The following RBPJ variants were observed in gnomAD, a reference collection of about 807,000 sequenced individuals.
The protein encoded by RBPJ is recombining binding protein suppressor of hairless.
A neutral mutation model predicts 67.8 loss-of-function variants in RBPJ; 9 were observed. The ratio of observed to expected loss-of-function variants is 0.13; its 90% CI spans 0.08 to 0.23. The LOEUF (loss-of-function observed/expected upper bound fraction) is 0.23, where lower values mean the gene tolerates loss of function less well. RBPJ is among the 10% of genes least tolerant of loss of function. RBPJ has a pLI of 1.00. For missense variants in RBPJ, 305 were observed against 595.6 expected (o/e 0.51, Z 5.08); for synonymous variants, 198 against 203.3 (o/e 0.97, Z 0.22).
At chr4:26,120,651 T>C in the RBPJ span, among the ~76,000 whole-genome samples, 1 of 151,896 alleles carries the variant, frequency 6.6e-6, no homozygotes, top group South Asian at 2.1e-4. Flanking sequence ...GCTCATCTCA[T>C]GTTTCCTAAT....
intron 2 of RBPJ, among the ~76,000 whole-genome samples, chr4:26,403,124 C>G (rs1046025804): frequency 6.6e-6 from 1 of 152,066 alleles, no homozygotes; most frequent in African/African-American, 2.4e-5. Flanking sequence ...TGAGATCTCT[C>G]ATTGCCTTTC....
At chr4:26,229,594 A>C (rs899553676) in intron 1 of RBPJ, among the ~76,000 whole-genome samples, 1 of 152,304 alleles carries the variant, frequency 6.6e-6, no homozygotes, top group Middle Eastern at 3.4e-3. Flanking sequence ...AGAATAAAGT[A>C]ATAGTGAAGT....
intron 1 of RBPJ, among the ~76,000 whole-genome samples, chr4:26,291,558 CA>C (rs1207450475): frequency 6.7e-6 from 1 of 149,352 alleles, no homozygotes; most frequent in Non-Finnish European, 1.5e-5. Flanking sequence ...AAATGAGTGA[CA>C]AGACAAGCAG....
At chr4:26,133,805 G>A in the RBPJ span, among the ~76,000 whole-genome samples, 125 of 151,482 alleles carry the variant, frequency 8.3e-4, no homozygotes, top group African/African-American at 2.4e-3. Context: ...GTGGAGGACC[G>A]CTGATCTAGT....
intron 1 of RBPJ, among the ~76,000 whole-genome samples, chr4:26,376,795 C>T (rs1170155157): frequency 2.0e-5 from 3 of 152,124 alleles, no homozygotes; most frequent in African/African-American, 7.2e-5. Flanking sequence ...ACCCTTGTTA[C>T]TTTATTGTTA....
intron 1 of RBPJ, among the ~76,000 whole-genome samples, chr4:26,378,177 T>G (rs1272089023): frequency 2.0e-5 from 3 of 152,234 alleles, no homozygotes; most frequent in South Asian, 2.1e-4. Context: ...GTTCCTTATG[T>G]TTAGATTCTG....
At chr4:26,196,743 G>A (rs1717780470) in intron 1 of RBPJ, among the ~76,000 whole-genome samples, 1 of 152,134 alleles carries the variant, frequency 6.6e-6, no homozygotes, top group Non-Finnish European at 1.5e-5. Context: ...AGATAAAACA[G>A]ATGTCGGCAT....
At chr4:26,214,807 AAGAGAGAG>A (rs142705291) in intron 1 of RBPJ, among the ~76,000 whole-genome samples, 3 of 107,956 alleles carry the variant, frequency 2.8e-5, no homozygotes, top group Non-Finnish European at 5.3e-5. Context: ...AGGAAGGGAA[AAGAGAGAG>A]AGAGAAAAGA....
chr4:26,324,974 C>A (rs1050384941), intron 1 of RBPJ, among the ~76,000 whole-genome samples: 1 of 152,130 alleles, frequency 6.6e-6, no homozygotes, highest in Non-Finnish European at 1.5e-5. Context: ...ATTCTAATAA[C>A]CATGACTATA....
chr4:26,170,480 G>GGCT (rs1716533249), intron 1 of RBPJ, among the ~76,000 whole-genome samples: 1 of 151,890 alleles, frequency 6.6e-6, no homozygotes, highest in East Asian at 1.9e-4. Flanking sequence ...GGCCGGCCAA[G>GGCT]GCTGCAGTGA....
At chr4:26,228,154 C>G (rs887779916) in intron 1 of RBPJ, among the ~76,000 whole-genome samples, 2 of 152,208 alleles carry the variant, frequency 1.3e-5, no homozygotes, top group African/African-American at 4.8e-5. Flanking sequence ...CTCATGAAAG[C>G]GAATCTGCCA....
chr4:26,219,938 A>G lies in RBPJ; in HGVS notation c.-167+56324A>G, dbSNP rs552095203. ...CCACAGGCACCCACCACCACGCCCAACTAATTTTTTTTTTTTTTGTATTTT... is the reference window on the plus strand; with the variant it reads ...CCACAGGCACCCACCACCACGCCCAGCTAATTTTTTTTTTTTTTGTATTTT... On this transcript the variant is annotated intron_variant, in intron 1 of 4. Transcript: ENST00000512351. 4.0e-3 allele frequency among the ~76,000 whole-genome samples: 408 copies of G among 102,290 alleles called. 2 individuals carry two copies. The highest frequency in any genetic ancestry group is 0.013 in the African/African-American group (376 of 27,888). The allele number at this position is 102,290 out of a possible 152,430, so 67.1% of individuals were successfully genotyped here.
intron 1 of RBPJ, among the ~76,000 whole-genome samples, chr4:26,178,877 C>T (rs968968379): frequency 1.3e-5 from 2 of 152,098 alleles, no homozygotes; most frequent in Non-Finnish European, 2.9e-5. Flanking sequence ...TCCACTTGGA[C>T]AGGGCTGGCT....
chr4:26,255,322 T>G (rs1181975415), intron 1 of RBPJ, among the ~76,000 whole-genome samples: 1 of 108,690 alleles, frequency 9.2e-6, no homozygotes, highest in African/African-American at 4.5e-5. Context: ...GAGAATGGCG[T>G]GAACCCAGGA....
the RBPJ span, among the ~76,000 whole-genome samples, chr4:26,111,493 C>G: frequency 1.3e-5 from 2 of 152,346 alleles, no homozygotes; most frequent in South Asian, 4.1e-4. Flanking sequence ...GCTGGCCAAA[C>G]AAGCTTTGCA....
intron 1 of RBPJ, among the ~76,000 whole-genome samples, chr4:26,329,397 G>T (rs1285139707): frequency 6.6e-6 from 1 of 152,160 alleles, no homozygotes; most frequent in Non-Finnish European, 1.5e-5. Context: ...TGATTTTGGT[G>T]GTGGGCCTAG....
intron 1 of RBPJ, among the ~76,000 whole-genome samples, chr4:26,373,740 A>G (rs1350682821): frequency 1.3e-5 from 2 of 152,214 alleles, no homozygotes; most frequent in Admixed American, 6.5e-5. Context: ...CAATTGTAAC[A>G]TAGTGCTCTT....
intron 1 of RBPJ, among the ~76,000 whole-genome samples, chr4:26,339,007 G>C (rs933147392): frequency 3.3e-5 from 5 of 151,806 alleles, no homozygotes; most frequent in Non-Finnish European, 7.4e-5. Flanking sequence ...TTTTTTTAGA[G>C]ACGGGGTTTT....
intron 5 of RBPJ, among the ~76,000 whole-genome samples, chr4:26,423,407 G>A (rs1029106543): frequency 6.6e-6 from 1 of 152,220 alleles, no homozygotes; most frequent in African/African-American, 2.4e-5. Flanking sequence ...ACAGACTGAT[G>A]ACGGGGCTCA....
Sources: gnomAD v4.1 joint callset for allele counts (sites outside exome capture counted in the v4.1 genomes callset) on GRCh38, gnomAD v4.1.1 for gene constraint, MANE v1.5 for transcripts, NCBI Gene and HGNC (gene_info 2026-07-23, HGNC 2026-07-21) for gene names.